Variants in DOCK1 observed in about 807,000 individuals in gnomAD.
DOCK1 encodes the protein dedicator of cytokinesis 1.
DOCK1 carries 138 observed loss-of-function variants against 262.7 expected under a neutral mutation model. The ratio of observed to expected loss-of-function variants is 0.53; its 90% confidence interval spans 0.46 to 0.61. The LOEUF (loss-of-function observed/expected upper bound fraction) is 0.61. DOCK1 is among the 20% of genes least tolerant of loss of function. The pLI is 0.00. For synonymous variants in DOCK1, 866 were observed against 867.4 expected (o/e 1.00, Z 0.03); for missense variants, 1,908 against 2,370.7 (o/e 0.80, Z 4.05).
intron 38 of DOCK1, among the ~76,000 whole-genome samples, chr10:127,388,262 A>C (rs976661345): frequency 1.3e-4 from 20 of 152,222 alleles, no homozygotes; most frequent in Admixed American, 1.1e-3. Context: ...TTGAATCAGA[A>C]TGAGTTTTAG....
chr10:127,140,133 G>A lies in DOCK1; in HGVS notation c.2847+12369G>A, dbSNP rs57973547. Among the ~76,000 whole-genome samples the A allele has an allele frequency of 8.4e-3, 1,283 of 152,226 alleles. 24 individuals are homozygous for A. The highest frequency in any genetic ancestry group is 0.029 in the African/African-American group (1,200 of 41,522). Reference sequence around the variant, plus strand: ...TGGGTTATTAGAACAGAGAGAAGGCGCTAGCATCTCCTAGGCTAACAGTAC... The same window carrying A: ...TGGGTTATTAGAACAGAGAGAAGGCACTAGCATCTCCTAGGCTAACAGTAC... On this transcript the variant is annotated intron_variant, in intron 27 of 51. Transcript: ENST00000623213.
chr10:127,384,932 C>A, intron 38 of DOCK1, 23 bp downstream of exon 38: 1 of 1,561,000 alleles, frequency 6.4e-7, no homozygotes, highest in South Asian at 1.2e-5. Flanking sequence ...AAGCAATTGT[C>A]CTTGTTTTCC....
chr10:127,204,889 A>G (rs1564901728), intron 27 of DOCK1, among the ~76,000 whole-genome samples: 1 of 152,072 alleles, frequency 6.6e-6, no homozygotes. Context: ...TTGCTATCCT[A>G]TGACCCGCCT....
intron 31 of DOCK1, among the ~76,000 whole-genome samples, chr10:127,346,133 G>A (rs1014150525): frequency 6.6e-6 from 1 of 152,190 alleles, no homozygotes; most frequent in African/African-American, 2.4e-5. Flanking sequence ...TCCTGGCCTC[G>A]GAGATGCCTG....
intron 1 of DOCK1, among the ~76,000 whole-genome samples, chr10:126,939,131 A>G (rs1039798730): frequency 0.076 from 11,615 of 152,034 alleles, 535 homozygotes; most frequent in South Asian, 0.12. Context: ...ACCGGAAGGG[A>G]TGAACACTGT....
chr10:126,938,116 A>G (rs1159647830), intron 1 of DOCK1, among the ~76,000 whole-genome samples: 2 of 150,600 alleles, frequency 1.3e-5, no homozygotes, highest in Non-Finnish European at 2.9e-5. Context: ...GCACGATCTC[A>G]GCTCACCACA....
intron 30 of DOCK1, among the ~76,000 whole-genome samples, chr10:127,341,046 T>C (rs775464985): frequency 1.3e-4 from 20 of 152,346 alleles, no homozygotes; most frequent in Middle Eastern, 3.4e-3. Context: ...CTTCTAAATT[T>C]TACTGTTTTG....
intron 37 of DOCK1, among the ~76,000 whole-genome samples, chr10:127,384,430 G>A (rs371836102): frequency 1.3e-5 from 2 of 152,176 alleles, no homozygotes; most frequent in Admixed American, 1.3e-4. Context: ...GCCAACCCAC[G>A]CAGCACTGAG....
chr10:127,087,216 C>T (rs572725847), intron 23 of DOCK1, among the ~76,000 whole-genome samples: 3 of 152,276 alleles, frequency 2.0e-5, no homozygotes, highest in Admixed American at 1.3e-4. Context: ...TGAATTCAAA[C>T]TATACTTGGC....
chr10:127,000,557 T>G (rs1437286215), intron 10 of DOCK1: 8 of 464,292 alleles, frequency 1.7e-5, no homozygotes, highest in Non-Finnish European at 2.2e-5. Flanking sequence ...CATCTTTCCC[T>G]GGGAGTGATC....
chr10:126,954,933 G>A (rs905385269), intron 1 of DOCK1, among the ~76,000 whole-genome samples: 1 of 152,112 alleles, frequency 6.6e-6, no homozygotes, highest in Non-Finnish European at 1.5e-5. Flanking sequence ...AGTTATGTTG[G>A]TATTGCCTGA....
chr10:127,227,666 G>A (rs939833158), intron 27 of DOCK1, among the ~76,000 whole-genome samples: 1 of 152,244 alleles, frequency 6.6e-6, no homozygotes, highest in Admixed American at 6.5e-5. Flanking sequence ...CGGTTATAAA[G>A]GAAGGCTTGT....
chr10:127,036,782 T>G (rs1026763005), intron 18 of DOCK1, among the ~76,000 whole-genome samples: 11 of 151,902 alleles, frequency 7.2e-5, no homozygotes, highest in Non-Finnish European at 1.3e-4. Context: ...GAGATCAGCC[T>G]GGCCAACATG....
intron 21 of DOCK1, among the ~76,000 whole-genome samples, chr10:127,050,825 T>G (rs927597993): frequency 6.6e-6 from 1 of 152,234 alleles, no homozygotes; most frequent in African/African-American, 2.4e-5. Context: ...TGAAGTTGAT[T>G]AATATATTTC....
chr10:127,144,192 C>T (rs2051560050), intron 27 of DOCK1, among the ~76,000 whole-genome samples: 1 of 152,172 alleles, frequency 6.6e-6, no homozygotes, highest in South Asian at 2.1e-4. Flanking sequence ...ACCAGAGTCA[C>T]CTTAGGAAAA....
At chr10:127,362,327 A>G in intron 33 of DOCK1, 115 bp downstream of exon 33, 2 of 1,184,270 alleles carry the variant, frequency 1.7e-6, no homozygotes, top group East Asian at 2.7e-5. Context: ...TGGAAAACAC[A>G]TTTTCCTACA....
chr10:126,971,048 C>CT (rs375065109), intron 2 of DOCK1, among the ~76,000 whole-genome samples: 7,970 of 143,102 alleles, frequency 0.056, 217 homozygotes, highest in Middle Eastern at 0.11. Flanking sequence ...ATGTGTAAAT[C>CT]TTTTTTTTTT....
At chr10:127,341,917 T>C (rs1444907372) in intron 30 of DOCK1, among the ~76,000 whole-genome samples, 1 of 152,224 alleles carries the variant, frequency 6.6e-6, no homozygotes, top group Non-Finnish European at 1.5e-5. Context: ...CATGTCTGCA[T>C]GTACCCAGCA....
rs544733189 is a variant in DOCK1, at chr10:127,082,560, GA to G, written c.2445+20789del. On this transcript the variant is annotated intron_variant, in intron 23 of 51. Coordinates refer to ENST00000623213, the MANE Select transcript of DOCK1 (RefSeq NM_001290223.2). ...TCATACTGTCATGAGAACAGCATGGGAAAAACCCATCCCCATGATTCAGTTA... is the reference window on the plus strand; with the variant it reads ...TCATACTGTCATGAGAACAGCATGGGAAAACCCATCCCCATGATTCAGTTA... Among the ~76,000 whole-genome samples, 5 of 152,182 alleles carry G rather than the reference GA, an allele frequency of 3.3e-5. 1 individual carries two copies. The South Asian group carries it at 1.0e-3, about 32-fold the overall frequency.
Sources: gnomAD v4.1 joint callset for allele counts (sites outside exome capture counted in the v4.1 genomes callset) on GRCh38, gnomAD v4.1.1 for gene constraint, MANE v1.5 for transcripts, NCBI Gene and HGNC (gene_info 2026-07-23, HGNC 2026-07-21) for gene names.